Variants in UBE2E2 observed in about 807,000 individuals in gnomAD.
The protein encoded by UBE2E2 is ubiquitin conjugating enzyme E2 E2, also known as ubiquitin-conjugating enzyme E2 E2.
A neutral mutation model predicts 24.7 loss-of-function variants in UBE2E2; 6 were observed. That is an observed-to-expected ratio of 0.24 (90% CI 0.13 to 0.48). The LOEUF is 0.48. Ranked by LOEUF, UBE2E2 falls within the 20% of genes least tolerant of loss-of-function variation. UBE2E2 has a pLI of 0.99. For missense variants in UBE2E2, 169 were observed against 245.0 expected, an observed-to-expected ratio of 0.69 and a Z score of 2.07; for synonymous variants, 104 against 83.6, an observed-to-expected ratio of 1.24 and a Z score of -1.33.
At chr3:23,533,267 T>C (rs1338994821) in intron 5 of UBE2E2, among the ~76,000 whole-genome samples, 3 of 152,228 alleles carry the variant, frequency 2.0e-5, no homozygotes, top group Admixed American at 2.0e-4. Context: ...CTTGCTGGTG[T>C]GCTTACCACT....
At chr3:23,297,029 T>C (rs1459162848) in intron 3 of UBE2E2, among the ~76,000 whole-genome samples, 2 of 152,238 alleles carry the variant, frequency 1.3e-5, no homozygotes, top group African/African-American at 2.4e-5. Flanking sequence ...TATCTCATTG[T>C]GGTTTTGATT....
chr3:23,547,112 A>G (rs1364404463), intron 5 of UBE2E2, among the ~76,000 whole-genome samples: 1 of 152,258 alleles, frequency 6.6e-6, no homozygotes, highest in East Asian at 1.9e-4. Context: ...GGTAGGATCA[A>G]GGAGCACATT....
intron 3 of UBE2E2, among the ~76,000 whole-genome samples, chr3:23,396,198 T>G (rs1697069738): frequency 6.6e-6 from 1 of 150,938 alleles, no homozygotes; most frequent in African/African-American, 2.4e-5. Context: ...TGCCTATGAA[T>G]TTGTAAACAT....
intron 3 of UBE2E2, among the ~76,000 whole-genome samples, chr3:23,351,919 A>G (rs537866069): frequency 2.8e-4 from 43 of 152,330 alleles, no homozygotes; most frequent in African/African-American, 1.0e-3. Context: ...CCCCAAATCA[A>G]CAGAATATAC....
Position 23,412,672 on chromosome 3 carries a change from CT to C in UBE2E2, c.228-86933del, listed in dbSNP as rs570622105. 2.1e-4 allele frequency among the ~76,000 whole-genome samples: 32 copies of C among 152,292 alleles called. No homozygotes were observed. In the South Asian group the frequency reaches 6.6e-3, roughly 32 times the overall value. On this transcript the variant is annotated intron_variant, in intron 3 of 5. Transcript: ENST00000396703. ...AGTTAAGAGTTCAGAAACAACTCTTCTTTCCTCATGCCTTTATTCAAGTACA... is the reference window on the plus strand; with the variant it reads ...AGTTAAGAGTTCAGAAACAACTCTTCTTCCTCATGCCTTTATTCAAGTACA...
intron 3 of UBE2E2, among the ~76,000 whole-genome samples, chr3:23,378,578 T>C (rs1392232859): frequency 6.6e-6 from 1 of 152,228 alleles, no homozygotes; most frequent in African/African-American, 2.4e-5. Flanking sequence ...ATGTAAAATA[T>C]TTATAGATAG....
At chr3:23,479,091 G>T (rs1054599909) in intron 3 of UBE2E2, among the ~76,000 whole-genome samples, 1 of 152,024 alleles carries the variant, frequency 6.6e-6, no homozygotes, top group African/African-American at 2.4e-5. Flanking sequence ...TGTGGTAGGT[G>T]GTGCCTTTGC....
At chr3:23,430,862 A>G (rs533054871) in intron 3 of UBE2E2, among the ~76,000 whole-genome samples, 20 of 152,316 alleles carry the variant, frequency 1.3e-4, no homozygotes, top group African/African-American at 4.3e-4. Context: ...AAGTTTCTGT[A>G]TACATAAGAA....
In UBE2E2 at chr3:23,472,813, A is replaced by AT. The variant is rs201630309; in HGVS notation, c.228-26788dup. On this transcript the variant is annotated intron_variant, in intron 3 of 5. Coordinates refer to ENST00000396703, the MANE Select transcript of UBE2E2 (RefSeq NM_152653.4). ...GCGCACATGCTACCAAGCCCAGCTAATTTTTTTATTGTTACTTTTTGTAGA... is the reference window on the plus strand; with the variant it reads ...GCGCACATGCTACCAAGCCCAGCTAATTTTTTTTATTGTTACTTTTTGTAGA... Among the ~76,000 whole-genome samples, 917 of 151,698 alleles carry AT rather than the reference A, an allele frequency of 6.0e-3. 16 individuals are homozygous for AT. The highest frequency in any genetic ancestry group is 0.021 in the African/African-American group (880 of 41,236).
intron 3 of UBE2E2, among the ~76,000 whole-genome samples, chr3:23,393,760 T>G (rs1697007267): frequency 6.6e-6 from 1 of 152,132 alleles, no homozygotes; most frequent in Non-Finnish European, 1.5e-5. Context: ...TAAAAATGGC[T>G]TTTACAGTTT....
At chr3:23,441,538 C>CAA (rs147766521) in intron 3 of UBE2E2, among the ~76,000 whole-genome samples, 1,221 of 95,756 alleles carry the variant, frequency 0.013, 40 homozygotes, top group African/African-American at 0.029. Context: ...GACTCCGTCT[C>CAA]AAAAAAAAAA....
chr3:23,513,019 A>G (rs1694644411), intron 4 of UBE2E2, among the ~76,000 whole-genome samples: 1 of 152,148 alleles, frequency 6.6e-6, no homozygotes, highest in African/African-American at 2.4e-5. Context: ...TGTTTCCCCC[A>G]TACTTGGCCA....
At chr3:23,325,361 T>C (rs1694857020) in intron 3 of UBE2E2, among the ~76,000 whole-genome samples, 1 of 152,216 alleles carries the variant, frequency 6.6e-6, no homozygotes, top group Admixed American at 6.5e-5. Context: ...AATCTGAGGC[T>C]GGGCTGGAGG....
At chr3:23,376,460 G>A (rs1246970598) in intron 3 of UBE2E2, among the ~76,000 whole-genome samples, 3 of 152,192 alleles carry the variant, frequency 2.0e-5, no homozygotes, top group Admixed American at 6.5e-5. Context: ...GGTAAGATAC[G>A]TGAACCACAA....
chr3:23,227,342 A>G (rs1263132992), intron 3 of UBE2E2, among the ~76,000 whole-genome samples: 1 of 152,112 alleles, frequency 6.6e-6, no homozygotes, highest in African/African-American at 2.4e-5. Context: ...TTCATACTAC[A>G]TATATTTTTG....
intron 5 of UBE2E2, among the ~76,000 whole-genome samples, chr3:23,574,249 G>A (rs555846181): frequency 6.6e-6 from 1 of 152,220 alleles, no homozygotes; most frequent in African/African-American, 2.4e-5. Flanking sequence ...GTCAGAGGGA[G>A]GGAAGTGAGC....
chr3:23,362,169 C>T (rs754686780), intron 3 of UBE2E2, among the ~76,000 whole-genome samples: 1 of 152,154 alleles, frequency 6.6e-6, no homozygotes, highest in Non-Finnish European at 1.5e-5. Flanking sequence ...TGAGAAACCA[C>T]ATTAGGGTCC....
intron 3 of UBE2E2, among the ~76,000 whole-genome samples, chr3:23,468,837 C>A (rs1031972212): frequency 3.3e-5 from 5 of 152,158 alleles, no homozygotes; most frequent in African/African-American, 1.2e-4. Context: ...GTGACAAAAT[C>A]CATCTCACAA....
chr3:23,483,402 A>C (rs1426473755), intron 3 of UBE2E2, among the ~76,000 whole-genome samples: 2 of 152,214 alleles, frequency 1.3e-5, no homozygotes, highest in Non-Finnish European at 2.9e-5. Flanking sequence ...CATGTATGTA[A>C]ATATAAAATG....
Sources: allele counts gnomAD v4.1 joint callset (sites outside exome capture counted in the v4.1 genomes callset), GRCh38; gene constraint gnomAD v4.1.1; transcripts MANE v1.5; gene names NCBI Gene and HGNC (gene_info 2026-07-23, HGNC 2026-07-21).